MEG3: variants seen among roughly 807,000 people sequenced by gnomAD.
The protein encoded by MEG3 is Very putative protein from MEG3 locus.
exon 1 of MEG3, chr14:100,860,301 A>G (rs2038367658): frequency 8.7e-6 from 2 of 230,544 alleles, no homozygotes; most frequent in East Asian, 3.1e-4. Flanking sequence ...GAGTTTTAGG[A>G]AAAACATCAA....
chr14:100,842,447 T>C (rs1005883404), intron 2 of MEG3, among the ~76,000 whole-genome samples: 1 of 152,066 alleles, frequency 6.6e-6, no homozygotes, highest in African/African-American at 2.4e-5. Context: ...CCCAATTACC[T>C]CTCCTATTTT....
At chr14:100,848,463 G>A (rs1371169136) in intron 3 of MEG3, 1 of 152,198 alleles carries the variant, frequency 6.6e-6, no homozygotes, top group Non-Finnish European at 1.5e-5. Context: ...ATGATTGAAC[G>A]ACAGAAAAGA....
intron 2 of MEG3, among the ~76,000 whole-genome samples, chr14:100,838,634 G>A (rs1000290163): frequency 2.6e-5 from 4 of 152,124 alleles, no homozygotes; most frequent in African/African-American, 7.2e-5. Flanking sequence ...AGCGGAGGGC[G>A]GTGAGGGGTC....
Position 100,845,832 on chromosome 14 carries a change from T to G in MEG3, n.3121+299T>G, listed in dbSNP as rs1265221537. 5.1e-6 allele frequency: 1 copy of G among 196,198 alleles called. No homozygotes were observed. Among genetic ancestry groups the G allele is most frequent in the Non-Finnish European group, 1.1e-5 (1 of 93,312 alleles). 12.2% of individuals were successfully genotyped at this position (196,198 alleles called of 1,614,324 possible). On this transcript the variant is annotated intron_variant and non_coding_transcript_variant, in intron 3 of 3. Transcript: ENST00000398461. This position sits in a 1 kb window ranked among gnomAD's most constrained non-coding sequence, Gnocchi z 5.2. The stretch of plus-strand genomic sequence containing the variant: ...CTTCTTTTTCACTCTTCTAAATGAA[T>G]GGCTCTTTCATTATTGAGTCTCCCT...
At position 100,845,597 on chromosome 14, in the gene MEG3, C is replaced by T. The variant is rs942839104; in HGVS notation, n.3121+64C>T. 42 of 436,220 alleles carry T rather than the reference C, an allele frequency of 9.6e-5. No homozygotes were observed. The highest frequency in any genetic ancestry group is 7.3e-4 in the Admixed American group (30 of 40,950). The allele number at this position is 436,220 out of a possible 1,614,324, so 27.0% of individuals were successfully genotyped here. A position where few individuals can be genotyped will look rare whatever the true frequency, so the allele number is the denominator to read the frequency against. ...GCTGCTGAGGGTGGGGCCAGCTGCC[C>T]GGAGCACACCGCCAGGCGGACCTCG... On this transcript the variant is annotated intron_variant and non_coding_transcript_variant, in intron 3 of 3. Coordinates refer to the MEG3 transcript ENST00000398461. The surrounding 1 kb of genome is among the most constrained non-coding windows in gnomAD (Gnocchi z 5.2).
chr14:100,853,795 A>G (rs150958531), upstream of MEG3: 579 of 152,142 alleles, frequency 3.8e-3, 5 homozygotes, highest in African/African-American at 0.013. Context: ...CCTTTTTTTC[A>G]TTCTTAAGAA....
chr14:100,833,991 G>C (rs1264865786), downstream of MEG3: 1 of 152,204 alleles, frequency 6.6e-6, no homozygotes, highest in Non-Finnish European at 1.5e-5. Flanking sequence ...CCACGAGGAA[G>C]AATGTGGAAG....
intron 1 of MEG3, among the ~76,000 whole-genome samples, chr14:100,827,838 C>T (rs1381398050): frequency 6.6e-6 from 1 of 152,214 alleles, no homozygotes; most frequent in Non-Finnish European, 1.5e-5. Flanking sequence ...GTCTTTCTGA[C>T]TTTAGTGAAC....
intron 1 of MEG3, among the ~76,000 whole-genome samples, chr14:100,828,406 C>G (rs972439222): frequency 1.3e-5 from 2 of 150,694 alleles, no homozygotes; most frequent in African/African-American, 4.9e-5. Context: ...CCCTCCTCCC[C>G]CTCCTATTTT....
rs749015737 is a variant in MEG3, at chr14:100,845,542, C to G, written n.3121+9C>G. The stretch of plus-strand genomic sequence containing the variant: ...CTCTCCAGCTCGAAATCGTAAGTGG[C>G]TGGAGTGTAAAGAACACACATGTGG... On this transcript the variant is annotated intron_variant and non_coding_transcript_variant, in intron 3 of 3. Transcript: ENST00000398461. The surrounding 1 kb of genome is among the most constrained non-coding windows in gnomAD (Gnocchi z 5.2). 5 of 456,210 alleles carry G rather than the reference C, an allele frequency of 1.1e-5. No individual in the cohort carries two copies. The East Asian group carries it at 2.1e-4, about 19-fold the overall frequency. The allele number at this position is 456,210 out of a possible 1,614,324, so 28.3% of individuals were successfully genotyped here. A position where few individuals can be genotyped will look rare whatever the true frequency, so the allele number is the denominator to read the frequency against.
intron 2 of MEG3, among the ~76,000 whole-genome samples, chr14:100,838,481 G>A (rs544428886): frequency 2.6e-5 from 4 of 152,330 alleles, no homozygotes; most frequent in South Asian, 2.1e-4. Flanking sequence ...GGGAACTGCC[G>A]AAAGGCCACT....
At chr14:100,831,343 G>A (rs549032288), downstream of MEG3, 1 of 153,024 alleles carries the variant, frequency 6.5e-6, no homozygotes, top group East Asian at 1.9e-4. Flanking sequence ...TGACTTTGCT[G>A]TGCCGGCAGC....
rs1156360983 is a variant in MEG3, at chr14:100,845,135, C to T, written n.3046-323C>T. Reference sequence around the variant, plus strand: ...ACAGGTTCATGCCCTGTCTTCAGGGCCTGGGCCACCCCCGTTTCTCATCTA... The same window carrying T: ...ACAGGTTCATGCCCTGTCTTCAGGGTCTGGGCCACCCCCGTTTCTCATCTA... On this transcript the variant is annotated intron_variant and non_coding_transcript_variant, in intron 2 of 3. Transcript: ENST00000398461. This position sits in a 1 kb window ranked among gnomAD's most constrained non-coding sequence, Gnocchi z 5.2. Among the ~76,000 whole-genome samples the T allele has an allele frequency of 2.0e-5, 3 of 152,188 alleles. No homozygotes were observed. Among genetic ancestry groups the T allele is most frequent in the African/African-American group, 4.8e-5 (2 of 41,448 alleles).
In MEG3 at chr14:100,846,314, G is replaced by A. The variant is rs566518553; in HGVS notation, n.3121+781G>A. On this transcript the variant is annotated intron_variant and non_coding_transcript_variant, in intron 3 of 3. Coordinates refer to the MEG3 transcript ENST00000398461. ...CACGGTCCAGAGGGGCAGAACAGGC[G>A]GCGCTTGCCTTGCCCAGGGGGCCTG... 1.3e-4 allele frequency: 20 copies of A among 152,344 alleles called. No individual in the cohort carries two copies. In the South Asian group the frequency reaches 1.5e-3, roughly 11 times the overall value. The allele number at this position is 152,344 out of a possible 1,614,324, so 9.4% of individuals were successfully genotyped here. A position where few individuals can be genotyped will look rare whatever the true frequency, so the allele number is the denominator to read the frequency against.
downstream of MEG3, chr14:100,833,644 C>CTTTG (rs2037462514): frequency 6.6e-6 from 1 of 152,278 alleles, no homozygotes; most frequent in Admixed American, 6.5e-5. Context: ...TTGTTCTGAT[C>CTTTG]TTTGAGCTCC....
chr14:100,859,455 A>G (rs530365495), exon 1 of MEG3: 5 of 152,286 alleles, frequency 3.3e-5, no homozygotes, highest in African/African-American at 9.6e-5. Context: ...TGTAGAATAC[A>G]TTTGGCAATT....
chr14:100,836,053 C>A (rs2037565255), intron 1 of MEG3: 6 of 367,846 alleles, frequency 1.6e-5, no homozygotes, highest in South Asian at 1.2e-4. Context: ...AGTCACCCCA[C>A]TCCACCGAAA....
chr14:100,829,304 A>T (rs1331852209), downstream of MEG3: 1 of 152,186 alleles, frequency 6.6e-6, no homozygotes, highest in Non-Finnish European at 1.5e-5. Context: ...TTCCCTCCCC[A>T]AGGGGGTGTC....
downstream of MEG3, chr14:100,830,385 C>CACACACACACATA (rs72228212): frequency 3.9e-4 from 54 of 139,288 alleles, 1 homozygote; most frequent in African/African-American, 1.4e-3. Flanking sequence ...ACACACACAC[C>CACACACACACATA]CCCTCGTGTA....
Sources: allele counts gnomAD v4.1 joint callset (sites outside exome capture counted in the v4.1 genomes callset), GRCh38; gene constraint gnomAD v4.1.1; non-coding constraint Gnocchi (gnomAD v3.1); transcripts MANE v1.5; gene names NCBI Gene and HGNC (gene_info 2026-07-23, HGNC 2026-07-21).